ASIC2: variants seen among roughly 807,000 people sequenced by gnomAD.
The protein encoded by ASIC2 is acid-sensing ion channel 2.
Under a neutral mutation model 57.3 loss-of-function variants are expected in ASIC2, and 25 were observed. That is an observed-to-expected ratio of 0.44 (90% CI 0.32 to 0.61). ASIC2 has a LOEUF of 0.61. ASIC2 is among the 20% of genes least tolerant of loss of function. The pLI, the probability that ASIC2 is intolerant of heterozygous loss-of-function variation, is 0.06. For missense variants in ASIC2, 641 were observed against 738.1 expected, an observed-to-expected ratio of 0.87 and a Z score of 1.52; for synonymous variants, 319 against 307.5, an observed-to-expected ratio of 1.04 and a Z score of -0.39.
chr17:33,089,962 G>C (rs1476238666), intron 2 of ASIC2, among the ~76,000 whole-genome samples: 1 of 152,150 alleles, frequency 6.6e-6, no homozygotes, highest in Non-Finnish European at 1.5e-5. Flanking sequence ...CCCCCTCTCT[G>C]TCTTGTCTTC....
chr17:33,284,226 A>G (rs1056192595), intron 1 of ASIC2, among the ~76,000 whole-genome samples: 2 of 152,172 alleles, frequency 1.3e-5, no homozygotes, highest in Admixed American at 6.5e-5. Flanking sequence ...CCAACAATTC[A>G]TGTTCCAATT....
intron 3 of ASIC2, among the ~76,000 whole-genome samples, chr17:33,054,991 C>T (rs923418952): frequency 6.6e-6 from 1 of 152,342 alleles, no homozygotes; most frequent in African/African-American, 2.4e-5. Flanking sequence ...AGTTCCCTCC[C>T]CTCCACTCAG....
chr17:33,416,261 C>G, intron 1 of ASIC2, among the ~76,000 whole-genome samples: 1 of 152,230 alleles, frequency 6.6e-6, no homozygotes, highest in East Asian at 1.9e-4. Context: ...GAAATCTTAA[C>G]AGAAGCACAA....
chr17:33,028,710 C>T (rs771545820), intron 3 of ASIC2, among the ~76,000 whole-genome samples: 5 of 152,094 alleles, frequency 3.3e-5, no homozygotes, highest in Non-Finnish European at 7.4e-5. Context: ...ATAATCTTCC[C>T]ATAAATGCGG....
chr17:33,977,636 C>G (rs1177688981), intron 1 of ASIC2, among the ~76,000 whole-genome samples: 1 of 152,218 alleles, frequency 6.6e-6, no homozygotes, highest in Non-Finnish European at 1.5e-5. Context: ...TCCTTTCAGG[C>G]CCTCTCCTAA....
intron 1 of ASIC2, among the ~76,000 whole-genome samples, chr17:33,857,462 A>C: frequency 6.6e-6 from 1 of 152,222 alleles, no homozygotes; most frequent in African/African-American, 2.4e-5. Context: ...CAGCCAGTCA[A>C]CCTCAACACC....
At chr17:33,621,407 T>C (rs2142021302) in intron 1 of ASIC2, among the ~76,000 whole-genome samples, 1 of 152,298 alleles carries the variant, frequency 6.6e-6, no homozygotes, top group African/African-American at 2.4e-5. Context: ...CTTCTTCAAA[T>C]AGAACGGGGC....
intron 1 of ASIC2, among the ~76,000 whole-genome samples, chr17:33,778,042 T>C (rs1911337335): frequency 6.6e-6 from 1 of 152,110 alleles, no homozygotes; most frequent in Non-Finnish European, 1.5e-5. Context: ...CGCTGGGAAA[T>C]AGGAGGAGGC....
intron 1 of ASIC2, among the ~76,000 whole-genome samples, chr17:33,679,170 A>T (rs1271384093): frequency 6.6e-6 from 1 of 152,188 alleles, no homozygotes; most frequent in Non-Finnish European, 1.5e-5. Flanking sequence ...AACAAATAAC[A>T]CGTGTTACAG....
intron 3 of ASIC2, among the ~76,000 whole-genome samples, chr17:33,087,320 T>C (rs1463877707): frequency 3.9e-5 from 6 of 152,138 alleles, no homozygotes; most frequent in Admixed American, 1.3e-4. Context: ...TGCATACCCT[T>C]GGATATTCCC....
At chr17:34,114,478 A>G (rs1426937667) in intron 1 of ASIC2, among the ~76,000 whole-genome samples, 2 of 152,192 alleles carry the variant, frequency 1.3e-5, no homozygotes, top group African/African-American at 4.8e-5. Flanking sequence ...AGCAAGGACA[A>G]GGAAAAAATA....
intron 1 of ASIC2, among the ~76,000 whole-genome samples, chr17:33,399,644 T>C (rs1223969241): frequency 6.6e-6 from 1 of 152,200 alleles, no homozygotes; most frequent in East Asian, 1.9e-4. Flanking sequence ...GCTTTCAGTG[T>C]GGTCACAGTT....
chr17:33,515,973 T>C (rs1914552982), intron 1 of ASIC2, among the ~76,000 whole-genome samples: 1 of 152,016 alleles, frequency 6.6e-6, no homozygotes, highest in African/African-American at 2.4e-5. Flanking sequence ...GGTGTGCGCC[T>C]GTAGTCCCAG....
At chr17:33,076,285 A>G (rs1292557816) in intron 3 of ASIC2, among the ~76,000 whole-genome samples, 3 of 152,250 alleles carry the variant, frequency 2.0e-5, no homozygotes, top group Non-Finnish European at 2.9e-5. Flanking sequence ...GAGGCTGTCC[A>G]CTAAGGAAGG....
intron 1 of ASIC2, among the ~76,000 whole-genome samples, chr17:33,956,458 T>C (rs1019863293): frequency 9.2e-5 from 14 of 152,084 alleles, no homozygotes; most frequent in African/African-American, 3.4e-4. Flanking sequence ...GAACCCAATG[T>C]CTCTCTCCAC....
intron 1 of ASIC2, among the ~76,000 whole-genome samples, chr17:34,097,649 A>G (rs545524414): frequency 6.6e-6 from 1 of 152,158 alleles, no homozygotes; most frequent in Non-Finnish European, 1.5e-5. Context: ...TAATTGTTAT[A>G]TCACTAGTTT....
At chr17:33,964,248 C>T (rs890150704) in intron 1 of ASIC2, among the ~76,000 whole-genome samples, 1 of 152,210 alleles carries the variant, frequency 6.6e-6, no homozygotes. Context: ...TCTGACTCCA[C>T]GAGTCTATCA....
At chr17:34,141,467 C>G (rs1425723834) in intron 1 of ASIC2, among the ~76,000 whole-genome samples, 1 of 152,136 alleles carries the variant, frequency 6.6e-6, no homozygotes, top group Non-Finnish European at 1.5e-5. Flanking sequence ...TACCTCTGGA[C>G]CTTGGGCAAA....
intron 1 of ASIC2, among the ~76,000 whole-genome samples, chr17:33,260,469 C>A (rs1415065062): frequency 1.3e-5 from 2 of 152,200 alleles, no homozygotes; most frequent in Admixed American, 6.5e-5. Context: ...CATCTAATAG[C>A]TTCTTGAAGG....
Sources: gnomAD v4.1 joint callset for allele counts (sites outside exome capture counted in the v4.1 genomes callset) on GRCh38, gnomAD v4.1.1 for gene constraint, MANE v1.5 for transcripts, NCBI Gene and HGNC (gene_info 2026-07-23, HGNC 2026-07-21) for gene names.